The following SH3GL3 variants were observed in gnomAD, a reference collection of about 807,000 sequenced individuals.
SH3GL3 encodes SH3 domain containing GRB2 like 3, endophilin A3, also known as endophilin-A3.
SH3GL3 carries 33 observed loss-of-function variants against 47.7 expected under a neutral mutation model. The observed-to-expected ratio is 0.69, with a 90% CI of 0.52 to 0.92. The LOEUF (loss-of-function observed/expected upper bound fraction) is 0.92, where lower values mean the gene tolerates loss of function less well. SH3GL3 is among the 40% of genes least tolerant of loss of function. The pLI is 0.00. For synonymous variants in SH3GL3, 155 were observed against 148.8 expected (o/e 1.04, Z -0.30); for missense variants, 363 against 417.8 (o/e 0.87, Z 1.14).
At chr15:83,466,494 C>T (rs1284626252) in intron 1 of SH3GL3, among the ~76,000 whole-genome samples, 1 of 151,994 alleles carries the variant, frequency 6.6e-6, no homozygotes, top group Non-Finnish European at 1.5e-5. Context: ...AACACCCACC[C>T]AACTGGAGAT....
chr15:83,572,635 T>A lies in SH3GL3; in HGVS notation c.402T>A (p.Asn134Lys). ...AGGTGAAAGACTCTCTTGATATTAA[T>A]GTAAAGCAAACTTTTATTGATCCAC... ...MAEVKDSLDI[N>K]VKQTFIDPLQ... The change falls in exon 5 of 9, where the codon AAT becomes AAA. Residue 134 changes from asparagine to lysine, a missense_variant. Transcript: ENST00000427482. The A allele has an allele frequency of 6.2e-7, 1 of 1,611,512 alleles. No homozygotes were observed. Among genetic ancestry groups the A allele is most frequent in the African/African-American group, 1.3e-5 (1 of 75,018 alleles).
At chr15:83,603,872 C>T (rs1414374465) in intron 8 of SH3GL3, among the ~76,000 whole-genome samples, 2 of 152,214 alleles carry the variant, frequency 1.3e-5, no homozygotes, top group South Asian at 2.1e-4. Context: ...CGGTGGCTTA[C>T]GCCTGTAATC....
At chr15:83,612,340 G>T (rs537674167) in intron 8 of SH3GL3, among the ~76,000 whole-genome samples, 1 of 152,324 alleles carries the variant, frequency 6.6e-6, no homozygotes, top group South Asian at 2.1e-4. Context: ...GAGGCCTGGG[G>T]CCTGGGCCAG....
Position 83,449,243 on chromosome 15 carries a change from C to T in SH3GL3, c.45+1665C>T, listed in dbSNP as rs115594683. Among the ~76,000 whole-genome samples, 564 of 152,244 alleles carry T rather than the reference C, an allele frequency of 3.7e-3. 3 individuals are homozygous for T. Among genetic ancestry groups the T allele is most frequent in the African/African-American group, 0.013 (528 of 41,534 alleles). ...GTGGCACAACACAGGAAAGAAAGAA[C>T]TCGTAGATGACAGGAGAGAGAAGAC... On this transcript the variant is annotated intron_variant, in intron 1 of 8. Transcript: ENST00000427482.
intron 1 of SH3GL3, among the ~76,000 whole-genome samples, chr15:83,477,109 T>C (rs1293322291): frequency 1.3e-5 from 2 of 152,162 alleles, no homozygotes; most frequent in Admixed American, 1.3e-4. Flanking sequence ...GATATTATAG[T>C]ACTGGGGAAG....
chr15:83,513,718 A>G (rs1289190551), intron 1 of SH3GL3, among the ~76,000 whole-genome samples: 1 of 151,976 alleles, frequency 6.6e-6, no homozygotes. Flanking sequence ...TTCCCACTCT[A>G]CCCAGGGCAT....
chr15:83,482,497 G>GT (rs112269487), intron 1 of SH3GL3, among the ~76,000 whole-genome samples: 13,716 of 147,058 alleles, frequency 0.093, 791 homozygotes, highest in East Asian at 0.25. Context: ...GCCTTCTTAA[G>GT]TTTTTTTTTT....
chr15:83,545,494 C>T (rs1225618602), intron 1 of SH3GL3, among the ~76,000 whole-genome samples: 1 of 152,304 alleles, frequency 6.6e-6, no homozygotes, highest in Non-Finnish European at 1.5e-5. Flanking sequence ...TCACATATCT[C>T]CATCACTCTA....
At chr15:83,585,137 C>G (rs2059923745) in intron 6 of SH3GL3, among the ~76,000 whole-genome samples, 1 of 152,216 alleles carries the variant, frequency 6.6e-6, no homozygotes, top group Admixed American at 6.5e-5. Context: ...AAGAGACTTA[C>G]AGCCTAGTAG....
chr15:83,468,033 T>C (rs1369225567), intron 1 of SH3GL3, among the ~76,000 whole-genome samples: 1 of 152,184 alleles, frequency 6.6e-6, no homozygotes, highest in East Asian at 1.9e-4. Context: ...GGTTTCACCA[T>C]GTTAGCCAGG....
intron 1 of SH3GL3, among the ~76,000 whole-genome samples, chr15:83,473,296 G>A (rs934196018): frequency 1.3e-5 from 2 of 152,106 alleles, no homozygotes; most frequent in African/African-American, 2.4e-5. Flanking sequence ...TGCCCCAGGG[G>A]TGAGGAGGGG....
intron 8 of SH3GL3, among the ~76,000 whole-genome samples, chr15:83,609,713 C>T (rs1040043026): frequency 6.6e-6 from 1 of 152,116 alleles, no homozygotes; most frequent in Non-Finnish European, 1.5e-5. Context: ...AACCCAAGTT[C>T]CACAAAAGAG....
intron 1 of SH3GL3, among the ~76,000 whole-genome samples, chr15:83,463,286 G>C (rs1380327099): frequency 6.6e-6 from 1 of 152,144 alleles, no homozygotes; most frequent in Non-Finnish European, 1.5e-5. Context: ...GCTCTTGAAA[G>C]AACCCTTGCC....
At chr15:83,614,479 C>G (rs2060760318) in intron 8 of SH3GL3, among the ~76,000 whole-genome samples, 1 of 152,178 alleles carries the variant, frequency 6.6e-6, no homozygotes, top group Admixed American at 6.5e-5. Context: ...TACCATTACC[C>G]CCTTCTCTTT....
At chr15:83,490,564 T>C (rs1406675491) in intron 1 of SH3GL3, among the ~76,000 whole-genome samples, 2 of 152,198 alleles carry the variant, frequency 1.3e-5, no homozygotes, top group Non-Finnish European at 2.9e-5. Context: ...TTCTTGGCCC[T>C]GAAGTGATGT....
chr15:83,546,281 GCA>G (rs1211932984), intron 1 of SH3GL3, among the ~76,000 whole-genome samples: 3 of 151,666 alleles, frequency 2.0e-5, no homozygotes, highest in African/African-American at 7.3e-5. Context: ...CTTTCCTCAA[GCA>G]GAAGGAGTCT....
intron 5 of SH3GL3, among the ~76,000 whole-genome samples, chr15:83,574,938 C>T (rs2732156): frequency 0.85 from 129,796 of 152,214 alleles, 56,079 homozygotes; most frequent in Admixed American, 0.91. Flanking sequence ...TCATGAGCAC[C>T]GTTGCTTACC....
chr15:83,590,771 C>T (rs2060073194), intron 8 of SH3GL3, among the ~76,000 whole-genome samples: 1 of 152,148 alleles, frequency 6.6e-6, no homozygotes, highest in South Asian at 2.1e-4. Context: ...GGATTGTTTA[C>T]ATTTTTACTG....
At chr15:83,499,559 G>T (rs1026149569) in intron 1 of SH3GL3, among the ~76,000 whole-genome samples, 4 of 152,094 alleles carry the variant, frequency 2.6e-5, no homozygotes, top group Non-Finnish European at 5.9e-5. Context: ...TAGTCATCCA[G>T]TTCTCACAGA....
Sources: gnomAD v4.1 joint callset for allele counts (sites outside exome capture counted in the v4.1 genomes callset) on GRCh38, gnomAD v4.1.1 for gene constraint, MANE v1.5 for transcripts, NCBI Gene and HGNC (gene_info 2026-07-23, HGNC 2026-07-21) for gene names.